ANKS1B: variants seen among roughly 807,000 people sequenced by gnomAD.
ANKS1B encodes the protein ankyrin repeat and sterile alpha motif domain containing 1B.
A neutral mutation model predicts 148.3 loss-of-function variants in ANKS1B; 36 were observed. That is an observed-to-expected ratio of 0.24 (90% confidence interval 0.19 to 0.32). The LOEUF (loss-of-function observed/expected upper bound fraction) is 0.32, where lower values mean the gene tolerates loss of function less well. Ranked by LOEUF, ANKS1B falls within the 10% of genes least tolerant of loss-of-function variation. The probability of loss-of-function intolerance (pLI) is 1.00; values close to 1 mark genes in which losing one functional copy is unlikely to be tolerated. For missense variants in ANKS1B, 1,157 were observed against 1,542.6 expected (o/e 0.75, Z 4.19); for synonymous variants, 542 against 560.8 (o/e 0.97, Z 0.47).
chr12:99,860,678 A>G (rs947574434), intron 1 of ANKS1B, among the ~76,000 whole-genome samples: 1 of 152,214 alleles, frequency 6.6e-6, no homozygotes, highest in Non-Finnish European at 1.5e-5. Context: ...TACCCAACAC[A>G]CTGCAGGGTA....
intron 9 of ANKS1B, among the ~76,000 whole-genome samples, chr12:99,592,602 G>A (rs538215652): frequency 2.6e-5 from 4 of 151,886 alleles, no homozygotes; most frequent in Non-Finnish European, 4.4e-5. Flanking sequence ...AAGGACTGAA[G>A]AGAAGAGAAA....
rs571047988 is a variant in ANKS1B at position 99,029,515 on chromosome 12, G to A, written c.2778+23642C>T. On this transcript the variant is annotated intron_variant, in intron 17 of 26. Transcript: ENST00000683438. ...AGAGCACTGTTATCTTTCTCCCCAT[G>A]TACTCCTTCAACAGCACAATCTACA... is the stretch of plus-strand genomic sequence containing the variant. Among the ~76,000 whole-genome samples the A allele has an allele frequency of 2.6e-5, 4 of 152,320 alleles. No individual in the cohort carries two copies. In the East Asian group the frequency reaches 7.7e-4, roughly 29 times the overall value.
At chr12:99,896,621 G>T (rs7133078) in intron 1 of ANKS1B, among the ~76,000 whole-genome samples, 7,938 of 151,146 alleles carry the variant, frequency 0.053, 748 homozygotes, top group African/African-American at 0.18. Flanking sequence ...CCATGACCAA[G>T]ACTATTCCTG....
At chr12:99,934,051 C>G (rs935433254) in intron 1 of ANKS1B, among the ~76,000 whole-genome samples, 1 of 152,096 alleles carries the variant, frequency 6.6e-6, no homozygotes, top group Non-Finnish European at 1.5e-5. Flanking sequence ...GTCCTTCATT[C>G]TGTTGATATG....
intron 7 of ANKS1B, among the ~76,000 whole-genome samples, chr12:99,773,936 A>G (rs774738878): frequency 3.9e-5 from 6 of 152,188 alleles, no homozygotes; most frequent in Non-Finnish European, 7.4e-5. Flanking sequence ...GTGTTGGGAA[A>G]GTGGATAGCC....
intron 17 of ANKS1B, among the ~76,000 whole-genome samples, chr12:99,033,184 A>C (rs984566993): frequency 6.6e-6 from 1 of 152,190 alleles, no homozygotes; most frequent in African/African-American, 2.4e-5. Flanking sequence ...TGTGGGGATG[A>C]GCTTGTGCAT....
At chr12:98,995,293 T>A (rs2099928838) in intron 17 of ANKS1B, among the ~76,000 whole-genome samples, 1 of 152,100 alleles carries the variant, frequency 6.6e-6, no homozygotes, top group African/African-American at 2.4e-5. Context: ...GCCCTAATTT[T>A]AAAAATATGG....
intron 12 of ANKS1B, among the ~76,000 whole-genome samples, chr12:99,338,623 T>TATGCTGGGCC (rs2089381267): frequency 6.6e-6 from 1 of 152,180 alleles, no homozygotes; most frequent in Non-Finnish European, 1.5e-5. Context: ...CTGCTCAGAA[T>TATGCTGGGCC]ATGCTGGGCC....
downstream of ANKS1B, among the ~76,000 whole-genome samples, chr12:98,743,525 T>C (rs2097821793): frequency 6.6e-6 from 1 of 151,742 alleles, no homozygotes; most frequent in Admixed American, 6.5e-5. Flanking sequence ...CGTCAATGCA[T>C]GGGCCGCCTC....
intron 12 of ANKS1B, among the ~76,000 whole-genome samples, chr12:99,280,187 C>A: frequency 6.8e-6 from 1 of 147,840 alleles, no homozygotes; most frequent in African/African-American, 2.6e-5. Flanking sequence ...TGTGTGTGTA[C>A]GTGCATGTGT....
intron 19 of ANKS1B, among the ~76,000 whole-genome samples, chr12:98,812,911 A>G (rs901561640): frequency 2.0e-5 from 3 of 152,302 alleles, no homozygotes; most frequent in Non-Finnish European, 4.4e-5. Flanking sequence ...TGTTAGCAGT[A>G]AATAATTTGT....
At chr12:99,350,803 C>T (rs148933771) in intron 12 of ANKS1B, among the ~76,000 whole-genome samples, 112 of 152,180 alleles carry the variant, frequency 7.4e-4, no homozygotes, top group Middle Eastern at 3.4e-3. Context: ...ACCATACTCA[C>T]TTCTTAGGCT....
chr12:99,888,704 T>G (rs1211932436), intron 1 of ANKS1B, among the ~76,000 whole-genome samples: 1 of 152,132 alleles, frequency 6.6e-6, no homozygotes, highest in Non-Finnish European at 1.5e-5. Flanking sequence ...CCCTGATCAC[T>G]TTTTGCAGGG....
At chr12:98,995,849 G>A (rs753217733) in intron 17 of ANKS1B, among the ~76,000 whole-genome samples, 1 of 152,158 alleles carries the variant, frequency 6.6e-6, no homozygotes, top group East Asian at 1.9e-4. Context: ...TGAGAGTCCA[G>A]GGAGACCAAT....
At chr12:99,550,997 A>T (rs899383054) in intron 9 of ANKS1B, among the ~76,000 whole-genome samples, 1 of 152,134 alleles carries the variant, frequency 6.6e-6, no homozygotes, top group East Asian at 1.9e-4. Flanking sequence ...TGTCCTAAGG[A>T]TGTGTTTTGG....
At chr12:99,787,373 C>T (rs2153639365) in intron 4 of ANKS1B, among the ~76,000 whole-genome samples, 1 of 152,268 alleles carries the variant, frequency 6.6e-6, no homozygotes, top group South Asian at 2.1e-4. Context: ...TTTGCTCCTC[C>T]TTCACCTTCC....
chr12:98,827,823 C>T (rs908422403), intron 19 of ANKS1B, among the ~76,000 whole-genome samples: 1 of 152,112 alleles, frequency 6.6e-6, no homozygotes, highest in South Asian at 2.1e-4. Flanking sequence ...AGACCCAGTT[C>T]ATATTAATAC....
chr12:99,408,336 C>T (rs1043002204), intron 11 of ANKS1B, among the ~76,000 whole-genome samples: 8 of 145,758 alleles, frequency 5.5e-5, no homozygotes, highest in African/African-American at 2.1e-4. Context: ...TTGCCTTATA[C>T]AAAAATCAAA....
At chr12:99,394,993 T>A (rs2094198461) in intron 12 of ANKS1B, among the ~76,000 whole-genome samples, 1 of 152,172 alleles carries the variant, frequency 6.6e-6, no homozygotes, top group African/African-American at 2.4e-5. Context: ...AGGAGAAAGG[T>A]CTTGGAGTCA....
Sources: allele counts gnomAD v4.1 joint callset (sites outside exome capture counted in the v4.1 genomes callset), GRCh38; gene constraint gnomAD v4.1.1; transcripts MANE v1.5; gene names NCBI Gene and HGNC (gene_info 2026-07-23, HGNC 2026-07-21).